Variants in FREM1 observed in about 807,000 individuals in gnomAD.
FREM1 encodes FRAS1 related extracellular matrix 1, also known as FRAS1-related extracellular matrix protein 1.
Under a neutral mutation model 210.1 loss-of-function variants are expected in FREM1, and 220 were observed. The ratio of observed to expected loss-of-function variants is 1.05; its 90% CI spans 0.94 to 1.17. The LOEUF is 1.17. FREM1 is among the 50% of genes most tolerant of loss of function. The pLI is 0.00. For missense variants in FREM1, 3,454 were observed against 2,675.5 expected (o/e 1.29, Z -6.42); for synonymous variants, 1,189 against 980.2 (o/e 1.21, Z -3.98).
chr9:14,776,452 A>G (rs1257625756), intron 24 of FREM1, among the ~76,000 whole-genome samples: 2 of 152,230 alleles, frequency 1.3e-5, no homozygotes, highest in Non-Finnish European at 2.9e-5. Flanking sequence ...GTGATGGAAC[A>G]GGGAAATTCT....
At position 14,747,271 on chromosome 9, in the gene FREM1, G is replaced by C. The variant is rs756797204; in HGVS notation, c.6002C>G (p.Pro2001Arg). ...KVESTTDSHF[P>R]RQDQLPSFPK... is the part of the protein sequence containing the mutation. ...GAACAAAGATTTTCATACCTGTCTG[G>C]GGAAGTGTGAGTCAGTTGTGGATTC... The change falls in exon 33 of 37, where the codon CCC becomes CGC. Residue 2001 changes from proline (P) to arginine (R), a missense_variant. Transcript: ENST00000380880. The C allele has an allele frequency of 1.2e-6, 2 of 1,612,036 alleles. No homozygotes were observed. The highest frequency in any genetic ancestry group is 2.2e-5 in the East Asian group (1 of 44,836).
chr9:14,846,275 C>T (rs1413584442), intron 7 of FREM1, among the ~76,000 whole-genome samples, 184 bp from the exon 8 acceptor site: 3 of 152,108 alleles, frequency 2.0e-5, no homozygotes, highest in Non-Finnish European at 4.4e-5. Context: ...AACCAAACAC[C>T]ACATGCTCTC....
intron 21 of FREM1, 44 bp from the exon 22 acceptor site, chr9:14,792,928 A>G (rs773670220): frequency 9.7e-5 from 131 of 1,354,676 alleles, no homozygotes; most frequent in Non-Finnish European, 1.3e-4. Flanking sequence ...AATAGAAGAT[A>G]TTCCTTTAGT....
At chr9:14,794,993 C>G (rs10961707) in intron 21 of FREM1, among the ~76,000 whole-genome samples, 107,417 of 136,368 alleles carry the variant, frequency 0.79, 40,599 homozygotes, top group East Asian at 0.82. Context: ...GCGAGACTTT[C>G]TCTCAAAAAA....
At chr9:14,868,510 G>A (rs975018783) in intron 2 of FREM1, among the ~76,000 whole-genome samples, 1 of 152,190 alleles carries the variant, frequency 6.6e-6, no homozygotes, top group Admixed American at 6.5e-5. Flanking sequence ...TTTCAGGCTT[G>A]TAATCTGAAG....
At chr9:14,752,277 T>C (rs1166929429) in intron 29 of FREM1, among the ~76,000 whole-genome samples, 5 of 151,998 alleles carry the variant, frequency 3.3e-5, no homozygotes, top group Admixed American at 3.3e-4. Context: ...AAATGTGGGC[T>C]TTAGAAGTGA....
chr9:14,822,138 C>T (rs1016371741), intron 13 of FREM1, among the ~76,000 whole-genome samples: 3 of 152,182 alleles, frequency 2.0e-5, no homozygotes, highest in African/African-American at 7.2e-5. Flanking sequence ...TGACTTTGCT[C>T]CTCATCCCCC....
chr9:14,773,876 T>C (rs964152831), intron 25 of FREM1, among the ~76,000 whole-genome samples: 4 of 152,116 alleles, frequency 2.6e-5, no homozygotes, highest in African/African-American at 9.7e-5. Context: ...AGAATTCGTA[T>C]GAATTTGCAG....
At chr9:14,805,220 T>C in intron 18 of FREM1, 68 bp from the exon 19 acceptor site, 2 of 843,668 alleles carry the variant, frequency 2.4e-6, no homozygotes, top group Middle Eastern at 2.4e-4. Flanking sequence ...TCCTTAATCC[T>C]TAACCCAATA....
intron 1 of FREM1, among the ~76,000 whole-genome samples, chr9:14,902,268 T>C (rs1480742337): frequency 6.6e-6 from 1 of 152,232 alleles, no homozygotes; most frequent in African/African-American, 2.4e-5. Flanking sequence ...CTCTGAGCAC[T>C]GCTGTGAATA....
chr9:14,793,490 C>T lies in FREM1; in HGVS notation c.3840-606G>A, dbSNP rs1396254215. ...AGCTCCTGTCTTCTTGAACAGTAGG[C>T]TGGGGCAGAGCTGCTGCTGATCCTA... is the stretch of plus-strand genomic sequence containing the variant. On this transcript the variant is annotated intron_variant, in intron 21 of 36. Transcript: ENST00000380880. Among the ~76,000 whole-genome samples, 5 of 152,308 alleles carry T rather than the reference C, an allele frequency of 3.3e-5. No individual in the cohort carries two copies. The East Asian group carries it at 9.7e-4, about 29-fold the overall frequency.
intron 1 of FREM1, among the ~76,000 whole-genome samples, chr9:14,890,670 A>G (rs1037546514): frequency 3.9e-5 from 6 of 152,234 alleles, no homozygotes; most frequent in Admixed American, 2.0e-4. Flanking sequence ...CGATAAATCT[A>G]TACCTAATAA....
intron 2 of FREM1, 51 bp from the exon 3 acceptor site, chr9:14,863,954 A>T: frequency 8.4e-7 from 1 of 1,193,904 alleles, no homozygotes. Context: ...TTGGTACAAG[A>T]TTTAACATTT....
rs369988283 is a variant in FREM1, at chr9:14,748,401, T to C, written c.5796A>G (p.Thr1932=). The C allele has an allele frequency of 2.2e-5, 34 of 1,566,708 alleles. No individual in the cohort carries two copies. The highest frequency in any genetic ancestry group is 2.9e-5 in the Non-Finnish European group (33 of 1,137,510). The change falls in exon 31 of 37, where the codon ACA becomes ACG. Residue 1932 remains threonine (T), a splice_region_variant and synonymous_variant. Transcript: ENST00000380880. ...TTTCCCAGAAGGTCCCCATCCTTAC[T>C]GTTTTGCCATTCCCACGGGTCCTAA... ...RKLRTRGNGK[T]VRPSSVYRNG...
intron 1 of FREM1, among the ~76,000 whole-genome samples, chr9:14,886,948 A>AT (rs1010147953): frequency 6.7e-6 from 1 of 149,706 alleles, no homozygotes; most frequent in South Asian, 2.1e-4. Flanking sequence ...TTTATGATGT[A>AT]TTTTTTTAAA....
intron 15 of FREM1, among the ~76,000 whole-genome samples, chr9:14,814,677 A>T (rs1309105580): frequency 6.6e-6 from 1 of 152,222 alleles, no homozygotes; most frequent in East Asian, 1.9e-4. Flanking sequence ...CCTGAGGAAT[A>T]TCACCAACAA....
intron 8 of FREM1, among the ~76,000 whole-genome samples, 180 bp from the exon 9 acceptor site, chr9:14,842,840 G>T (rs796103709): frequency 3.3e-5 from 5 of 152,242 alleles, no homozygotes; most frequent in African/African-American, 1.2e-4. Context: ...TTGAATACTG[G>T]CTCCAACATT....
chr9:14,801,552 T>G (rs955473479), intron 20 of FREM1, 100 bp downstream of exon 20: 15 of 796,918 alleles, frequency 1.9e-5, no homozygotes, highest in Non-Finnish European at 3.1e-5. Flanking sequence ...CATTCTACTC[T>G]CTGCTTATAT....
chr9:14,804,391 C>T (rs1436002898), intron 19 of FREM1, among the ~76,000 whole-genome samples: 1 of 152,140 alleles, frequency 6.6e-6, no homozygotes, highest in African/African-American at 2.4e-5. Context: ...CAAGACCATC[C>T]TGGCTAACAC....
Sources: allele counts gnomAD v4.1 joint callset (sites outside exome capture counted in the v4.1 genomes callset), GRCh38; gene constraint gnomAD v4.1.1; transcripts MANE v1.5; gene names NCBI Gene and HGNC (gene_info 2026-07-23, HGNC 2026-07-21).